WBP2NL: variants seen among roughly 807,000 people sequenced by gnomAD.
WBP2NL encodes postacrosomal sheath WW domain-binding protein.
A neutral mutation model predicts 23.3 loss-of-function variants in WBP2NL; 27 were observed. That is an observed-to-expected ratio of 1.16 (90% confidence interval 0.85 to 1.60). The LOEUF (loss-of-function observed/expected upper bound fraction) is 1.60, where lower values mean the gene tolerates loss of function less well. Ranked by LOEUF, WBP2NL falls within the 40% of genes most tolerant of loss-of-function variation. The pLI, the probability that WBP2NL is intolerant of heterozygous loss-of-function variation, is 0.00. For missense variants in WBP2NL, 370 were observed against 389.5 expected (o/e 0.95, Z 0.42); for synonymous variants, 151 against 145.9 (o/e 1.03, Z -0.25).
At chr22:42,039,852 C>G (rs1245747249) in intron 8 of WBP2NL, among the ~76,000 whole-genome samples, 1 of 149,458 alleles carries the variant, frequency 6.7e-6, no homozygotes, top group Non-Finnish European at 1.5e-5. Context: ...TGTCCTTCTG[C>G]TAACTTTGGG....
rs146867500 is a variant in WBP2NL, at chr22:42,050,266, C to G, written c.*274-8024C>G. On this transcript the variant is annotated intron_variant and NMD_transcript_variant, in intron 8 of 8. Transcript: ENST00000436265. ...AATGATTGTGCCAGTGTCTTCTAGC[C>G]TGGGTGACAGAGGGAGACCCTGTCT... Among the ~76,000 whole-genome samples the G allele has an allele frequency of 2.2e-4, 34 of 152,128 alleles. No individual in the cohort carries two copies. In the Middle Eastern group the frequency reaches 0.017, roughly 76 times the overall value.
chr22:42,054,007 C>A (rs1434281846), intron 8 of WBP2NL, among the ~76,000 whole-genome samples: 2 of 152,190 alleles, frequency 1.3e-5, no homozygotes, highest in East Asian at 3.9e-4. Flanking sequence ...GTTGCTCAGG[C>A]TCTTGAACTC....
intron 1 of WBP2NL, chr22:42,001,642 A>G (rs1921699629): frequency 7.7e-6 from 9 of 1,167,230 alleles, no homozygotes; most frequent in Non-Finnish European, 1.0e-5. Flanking sequence ...AGTAGCGCCA[A>G]AACTGGGATC....
chr22:42,027,003 G>T lies in WBP2NL; in HGVS notation c.752G>T (p.Gly251Val). 6.2e-7 allele frequency: 1 copy of T among 1,609,914 alleles called. No homozygotes were observed. The highest frequency in any genetic ancestry group is 8.5e-7 in the Non-Finnish European group (1 of 1,176,882). ...PPLGYGTPPLGYGAPPLGYGA... is the reference protein window; with the variant it reads ...PPLGYGTPPLVYGAPPLGYGA... ...CTTGGATATGGAACCCCACCTCTCG[G>T]ATATGGAGCCCCACCTCTCGGATAT... Residue 251 changes from glycine (G) to valine (V), a missense_variant, in exon 6 of 6, where the codon GGA becomes GTA. Physicochemically the swap from Gly to Val is moderately radical, Grantham distance 109. Coordinates refer to ENST00000328823, the MANE Select transcript of WBP2NL (RefSeq NM_152613.3).
chr22:42,037,089 G>C (rs1602475621), downstream of WBP2NL, among the ~76,000 whole-genome samples: 1 of 151,562 alleles, frequency 6.6e-6, no homozygotes, highest in Non-Finnish European at 1.5e-5. Context: ...GTCTATTTGA[G>C]TTGATTGTTG....
Position 42,010,704 on chromosome 22 carries a change from A to G in WBP2NL, c.63-8607A>G, listed in dbSNP as rs544377587. ...CAGGCGCCCACCACCACACCCGGCT[A>G]ATTTTTTGTATTTTTAGTAGAGATG... On this transcript the variant is annotated intron_variant, in intron 1 of 5. Coordinates refer to ENST00000328823, the MANE Select transcript of WBP2NL (RefSeq NM_152613.3). Among the ~76,000 whole-genome samples, 38 of 151,822 alleles carry G rather than the reference A, an allele frequency of 2.5e-4. No individual in the cohort carries two copies. The South Asian group carries it at 7.7e-3, about 31-fold the overall frequency.
In WBP2NL at chr22:42,020,015, G is replaced by A. The variant is rs1244610616; in HGVS notation, c.325G>A (p.Gly109Arg). ...IQAAPYGGWE[G>R]QATFKLVFRN... ...ATTTCTTCCCCCAGGTGGCTGGGAA[G>A]GACAAGCTACTTTTAAATTAGTCTT... is the stretch of plus-strand genomic sequence containing the variant. Residue 109 changes from glycine (G) to arginine (R), a missense_variant, in exon 4 of 6, where the codon GGA becomes AGA. By Grantham distance (125) the Gly-to-Arg change is moderately radical. Coordinates refer to ENST00000328823, the MANE Select transcript of WBP2NL (RefSeq NM_152613.3). 1.2e-6 allele frequency: 2 copies of A among 1,613,828 alleles called. No individual in the cohort carries two copies. The highest frequency in any genetic ancestry group is 1.7e-6 in the Non-Finnish European group (2 of 1,179,958).
chr22:42,009,667 TG>T (rs1221507207), intron 1 of WBP2NL, among the ~76,000 whole-genome samples: 1 of 152,246 alleles, frequency 6.6e-6, no homozygotes, highest in Non-Finnish European at 1.5e-5. Context: ...TCTAGTCCAT[TG>T]GTTTGTTTAT....
chr22:42,039,163 C>T (rs903161637), intron 8 of WBP2NL, among the ~76,000 whole-genome samples: 40 of 151,976 alleles, frequency 2.6e-4, no homozygotes, highest in Non-Finnish European at 4.3e-4. Context: ...TTTCCGTCTC[C>T]TGGGTTCAAG....
At chr22:42,006,513 G>A (rs1271147609) in intron 1 of WBP2NL, among the ~76,000 whole-genome samples, 5 of 152,176 alleles carry the variant, frequency 3.3e-5, no homozygotes, top group South Asian at 2.1e-4. Flanking sequence ...CATTACAGGC[G>A]TGAGCCACCG....
Position 42,019,659 on chromosome 22 carries a change from T to C in WBP2NL, c.172-3T>C. The C allele has an allele frequency of 6.2e-7, 1 of 1,614,026 alleles. No individual in the cohort carries two copies. The highest frequency in any genetic ancestry group is 8.5e-7 in the Non-Finnish European group (1 of 1,180,022). ...CTTTTCCAAAGTTTCTGTCCTTGCG[T>C]AGGTGATTTTCATAACTTCATGCTC... On this transcript the variant is annotated splice_region_variant and splice_polypyrimidine_tract_variant and intron_variant, in intron 2 of 5. Transcript: ENST00000328823.
intron 8 of WBP2NL, among the ~76,000 whole-genome samples, chr22:42,046,285 T>C (rs1925584811): frequency 1.3e-5 from 2 of 152,242 alleles, no homozygotes; most frequent in South Asian, 4.1e-4. Context: ...AAACCAAAAA[T>C]CTTTACTGTT....
At chr22:42,020,273 C>T (rs945647128) in intron 4 of WBP2NL, among the ~76,000 whole-genome samples, 177 bp downstream of exon 4, 34 of 152,070 alleles carry the variant, frequency 2.2e-4, no homozygotes, top group African/African-American at 6.8e-4. Flanking sequence ...CTCCTGAACT[C>T]AAATGATCCT....
chr22:42,019,927 C>G (rs1425329147), intron 3 of WBP2NL, 77 bp from the exon 4 acceptor site: 2 of 1,592,754 alleles, frequency 1.3e-6, no homozygotes, highest in African/African-American at 2.7e-5. Flanking sequence ...GGTAGTGCTT[C>G]CCTTGGTGTT....
intron 8 of WBP2NL, among the ~76,000 whole-genome samples, chr22:42,052,338 A>C (rs1239968806): frequency 6.6e-6 from 1 of 151,956 alleles, no homozygotes; most frequent in Non-Finnish European, 1.5e-5. Context: ...GCTGGAGTAC[A>C]GTGGTGTGAT....
intron 2 of WBP2NL, 48 bp from the exon 3 acceptor site, chr22:42,019,614 C>G: frequency 6.2e-7 from 1 of 1,610,036 alleles, no homozygotes; most frequent in Non-Finnish European, 8.5e-7. Context: ...AGTCTCAATC[C>G]ATGGACAAAT....
chr22:42,043,016 GA>G (rs59812729), intron 8 of WBP2NL, among the ~76,000 whole-genome samples: 6,535 of 55,476 alleles, frequency 0.12, 461 homozygotes, highest in African/African-American at 0.3. Context: ...AGTGAGCCAA[GA>G]AAAAAAAAAA....
intron 8 of WBP2NL, among the ~76,000 whole-genome samples, chr22:42,051,221 T>C (rs2067135940): frequency 6.6e-6 from 1 of 152,186 alleles, no homozygotes; most frequent in African/African-American, 2.4e-5. Flanking sequence ...TAGATTCATA[T>C]TGCTAAGTGA....
At chr22:42,017,777 TAA>T in intron 1 of WBP2NL, among the ~76,000 whole-genome samples, 1 of 152,050 alleles carries the variant, frequency 6.6e-6, no homozygotes, top group Non-Finnish European at 1.5e-5. Context: ...ATTGGGAGGC[TAA>T]AGCAGGCAGA....
Sources: gnomAD v4.1 joint callset for allele counts (sites outside exome capture counted in the v4.1 genomes callset) on GRCh38, gnomAD v4.1.1 for gene constraint, MANE v1.5 for transcripts, NCBI Gene and HGNC (gene_info 2026-07-23, HGNC 2026-07-21) for gene names.